Variants in BMPER observed in about 807,000 individuals in gnomAD.
BMPER encodes the protein BMP binding endothelial regulator.
A neutral mutation model predicts 87.3 loss-of-function variants in BMPER; 45 were observed. That is an observed-to-expected ratio of 0.52 (90% CI 0.41 to 0.66). BMPER has a LOEUF of 0.66. Among genes scored for constraint, BMPER ranks in the 30% least tolerant of loss-of-function variants. The probability of loss-of-function intolerance (pLI) is 0.00; values close to 1 mark genes in which losing one functional copy is unlikely to be tolerated. For missense variants in BMPER, 784 were observed against 867.5 expected (o/e 0.90, Z 1.21); for synonymous variants, 326 against 316.2 (o/e 1.03, Z -0.33).
chr7:33,992,795 T>A (rs982763618), intron 6 of BMPER, among the ~76,000 whole-genome samples: 21 of 141,876 alleles, frequency 1.5e-4, no homozygotes, highest in Admixed American at 7.8e-4. Context: ...CTTCAGGAGC[T>A]CTTTTAGGGC....
chr7:34,100,497 C>T (rs1321275162), intron 13 of BMPER, among the ~76,000 whole-genome samples: 1 of 152,150 alleles, frequency 6.6e-6, no homozygotes, highest in South Asian at 2.1e-4. Flanking sequence ...GCAGCCAACC[C>T]CTTCTGCTGC....
chr7:33,905,419 G>GCCCCCCCCCCCCCCCCCCCCCCCCCCCC, upstream of BMPER: 10 of 110,388 alleles, frequency 9.1e-5, no homozygotes, highest in South Asian at 1.8e-4. Context: ...CTCCCCGGGC[G>GCCCCCCCCCCCCCCCCCCCCCCCCCCCC]CCCCCACACC....
At chr7:33,921,532 G>A (rs531771323) in intron 2 of BMPER, among the ~76,000 whole-genome samples, 5 of 152,150 alleles carry the variant, frequency 3.3e-5, no homozygotes, top group South Asian at 2.1e-4. Flanking sequence ...AATACCCCCC[G>A]GGGTCAGTGA....
At chr7:34,145,492 C>A (rs982899764) in intron 14 of BMPER, among the ~76,000 whole-genome samples, 8 of 152,280 alleles carry the variant, frequency 5.3e-5, no homozygotes, top group Admixed American at 4.6e-4. Context: ...AAAGGTGAGG[C>A]AAATGGTCCA....
intron 13 of BMPER, among the ~76,000 whole-genome samples, chr7:34,122,570 G>A (rs1021539697): frequency 6.6e-6 from 1 of 152,186 alleles, no homozygotes; most frequent in Admixed American, 6.5e-5. Context: ...CAGTCCTGTA[G>A]AGCAAAAGCC....
At chr7:33,992,453 T>C (rs1318823243) in intron 6 of BMPER, among the ~76,000 whole-genome samples, 2 of 142,428 alleles carry the variant, frequency 1.4e-5, no homozygotes, top group Non-Finnish European at 3.1e-5. Context: ...TGCCTTTTTT[T>C]GTTTTCCATT....
At chr7:34,089,558 A>G (rs970104710) in intron 13 of BMPER, among the ~76,000 whole-genome samples, 1 of 152,112 alleles carries the variant, frequency 6.6e-6, no homozygotes, top group Non-Finnish European at 1.5e-5. Flanking sequence ...ATCTCGGCTC[A>G]CTGCAACCTC....
At chr7:34,085,659 A>G (rs1789178748) in intron 12 of BMPER, 97 bp from the exon 13 acceptor site, 2 of 1,169,158 alleles carry the variant, frequency 1.7e-6, no homozygotes, top group Non-Finnish European at 2.5e-6. Flanking sequence ...TTATTGGAGG[A>G]CAGTCAGTCA....
chr7:33,948,943 G>A (rs984684819), intron 3 of BMPER, among the ~76,000 whole-genome samples: 4 of 152,162 alleles, frequency 2.6e-5, no homozygotes, highest in Admixed American at 6.5e-5. Context: ...GTGAGAGAGA[G>A]AGAGAGAGAG....
At chr7:34,129,604 GAGAGAA>G (rs1264473665) in intron 13 of BMPER, among the ~76,000 whole-genome samples, 5 of 106,258 alleles carry the variant, frequency 4.7e-5, no homozygotes, top group African/African-American at 2.1e-4. Flanking sequence ...GAGAGAGAGA[GAGAGAA>G]AGAGAGAGAG....
chr7:33,908,779 T>C (rs1390721507), intron 2 of BMPER, among the ~76,000 whole-genome samples: 3 of 152,214 alleles, frequency 2.0e-5, no homozygotes, highest in Admixed American at 6.5e-5. Flanking sequence ...AGCTCTTTCA[T>C]TGGCTGAAAG....
intron 3 of BMPER, among the ~76,000 whole-genome samples, chr7:33,951,842 GGGT>G (rs996320240): frequency 3.3e-5 from 5 of 152,326 alleles, no homozygotes; most frequent in African/African-American, 1.2e-4. Context: ...TGGTGGAGGA[GGGT>G]GGTAGTTGAA....
intron 6 of BMPER, among the ~76,000 whole-genome samples, chr7:33,989,516 C>T (rs1786133892): frequency 6.6e-6 from 1 of 152,048 alleles, no homozygotes; most frequent in Admixed American, 6.6e-5. Flanking sequence ...TGGATATTAG[C>T]CCTTTGTCAG....
chr7:33,927,437 TTG>T (rs1784387243), intron 2 of BMPER, among the ~76,000 whole-genome samples: 1 of 152,146 alleles, frequency 6.6e-6, no homozygotes, highest in Admixed American at 6.5e-5. Context: ...CTAAGATATT[TTG>T]TTTCTGTGAT....
At chr7:33,923,123 G>A (rs904472154) in intron 2 of BMPER, among the ~76,000 whole-genome samples, 4 of 152,140 alleles carry the variant, frequency 2.6e-5, no homozygotes, top group Non-Finnish European at 4.4e-5. Context: ...TTACCCTGCT[G>A]TAGATGAGTA....
intron 2 of BMPER, among the ~76,000 whole-genome samples, chr7:33,929,790 T>C (rs541418485): frequency 4.3e-4 from 65 of 152,296 alleles, no homozygotes; most frequent in South Asian, 3.9e-3. Context: ...TTGCAAGGGT[T>C]AAATGACAAA....
chr7:33,974,789 G>A lies in BMPER; in HGVS notation c.576+5G>A. The A allele has an allele frequency of 6.2e-7, 1 of 1,613,664 alleles. No homozygotes were observed. On this transcript the variant is annotated splice_donor_5th_base_variant and intron_variant, in intron 6 of 14. Transcript: ENST00000649409. ...TGTACCAAGTGTTCCTGCACTGTAA[G>A]TCCTGCTGTGGATGTTCCCAGGGTG... is the stretch of plus-strand genomic sequence containing the variant.
intron 2 of BMPER, among the ~76,000 whole-genome samples, chr7:33,931,217 T>C (rs1440522427): frequency 6.6e-6 from 1 of 152,206 alleles, no homozygotes; most frequent in East Asian, 1.9e-4. Flanking sequence ...AGTCTGTTCC[T>C]AAAGTCTCAA....
chr7:33,992,062 G>T (rs1480457459), intron 6 of BMPER, among the ~76,000 whole-genome samples: 4 of 152,106 alleles, frequency 2.6e-5, no homozygotes, highest in South Asian at 4.1e-4. Context: ...TGGAATAGGT[G>T]TGGTGTGGTG....
Sources: gnomAD v4.1 joint callset for allele counts (sites outside exome capture counted in the v4.1 genomes callset) on GRCh38, gnomAD v4.1.1 for gene constraint, MANE v1.5 for transcripts, NCBI Gene and HGNC (gene_info 2026-07-23, HGNC 2026-07-21) for gene names.